SLC35A3: variants seen among roughly 807,000 people sequenced by gnomAD.
SLC35A3 encodes UDP-N-acetylglucosamine transporter.
A neutral mutation model predicts 39.0 loss-of-function variants in SLC35A3; 26 were observed. The ratio of observed to expected loss-of-function variants is 0.67; its 90% CI spans 0.49 to 0.92. SLC35A3 has a LOEUF of 0.92. SLC35A3 is among the 40% of genes least tolerant of loss of function. The probability of loss-of-function intolerance (pLI) is 0.00; values close to 1 mark genes in which losing one functional copy is unlikely to be tolerated. For synonymous variants in SLC35A3, 135 were observed against 133.1 expected (o/e 1.01, Z -0.10); for missense variants, 299 against 371.6 (o/e 0.80, Z 1.61).
chr1:100,014,039 A>G (rs1659877592), intron 5 of SLC35A3, among the ~76,000 whole-genome samples: 1 of 152,144 alleles, frequency 6.6e-6, no homozygotes, highest in East Asian at 1.9e-4. Context: ...TAGTCATGTG[A>G]TAGAATATGT....
chr1:100,015,291 C>CT lies in SLC35A3; in HGVS notation c.635-3dup, dbSNP rs766308423. The CT allele has an allele frequency of 1.5e-5, 24 of 1,584,454 alleles. No individual in the cohort carries two copies. The highest frequency in any genetic ancestry group is 3.6e-5 in the Admixed American group (2 of 55,960). On this transcript the variant is annotated splice_polypyrimidine_tract_variant and intron_variant, in intron 5 of 7. Transcript: ENST00000533028. ...TAAACGATATATCATGTAGACTTTA[C>CT]TTTTTTTTAGGTTTCTTTGGAAGTA...
At chr1:99,970,423 A>G in intron 1 of SLC35A3, 1 of 679,394 alleles carries the variant, frequency 1.5e-6, no homozygotes, top group Non-Finnish European at 2.5e-6. Flanking sequence ...AGGCCCGAGG[A>G]GAGGGGTGTG....
At chr1:99,999,590 G>A (rs925593842) in intron 3 of SLC35A3, among the ~76,000 whole-genome samples, 175 bp downstream of exon 3, 2 of 152,014 alleles carry the variant, frequency 1.3e-5, no homozygotes, top group Non-Finnish European at 2.9e-5. Flanking sequence ...TTGTGTTGGG[G>A]ACATTTCAGA....
intron 4 of SLC35A3, chr1:100,008,747 C>A (rs563679798): frequency 6.6e-6 from 1 of 152,316 alleles, no homozygotes; most frequent in East Asian, 1.9e-4. Flanking sequence ...ACATCACAGG[C>A]ATAACATTTA....
At chr1:99,973,972 T>G (rs1656959138) in intron 1 of SLC35A3, among the ~76,000 whole-genome samples, 1 of 139,306 alleles carries the variant, frequency 7.2e-6, no homozygotes, top group South Asian at 2.2e-4. Context: ...CCAAAATCGC[T>G]CCATTGCACT....
At chr1:99,999,959 ATTTC>A (rs1210860540) in intron 3 of SLC35A3, among the ~76,000 whole-genome samples, 1 of 151,900 alleles carries the variant, frequency 6.6e-6, no homozygotes, top group African/African-American at 2.4e-5. Context: ...TCTGAATAGT[ATTTC>A]TTTATGCATT....
intron 3 of SLC35A3, among the ~76,000 whole-genome samples, chr1:100,005,157 G>A (rs564998236): frequency 7.2e-5 from 11 of 152,024 alleles, no homozygotes; most frequent in African/African-American, 2.4e-4. Flanking sequence ...TTCTCTCCTG[G>A]CCTATAATGT....
At chr1:100,008,985 C>T (rs2101336841) in intron 4 of SLC35A3, 1 of 152,268 alleles carries the variant, frequency 6.6e-6, no homozygotes, top group East Asian at 1.9e-4. Context: ...ATTTTATATC[C>T]TGTAAGTACA....
chr1:100,016,566 G>A (rs1660141774), intron 6 of SLC35A3, among the ~76,000 whole-genome samples: 1 of 150,220 alleles, frequency 6.7e-6, no homozygotes, highest in Admixed American at 6.7e-5. Flanking sequence ...GTAGAGACGG[G>A]GTTTCACTGT....
intron 3 of SLC35A3, among the ~76,000 whole-genome samples, chr1:100,006,045 G>T (rs899747109): frequency 6.6e-6 from 1 of 152,200 alleles, no homozygotes; most frequent in African/African-American, 2.4e-5. Flanking sequence ...TGGGTAGGGT[G>T]CTTTGGCTTT....
intron 1 of SLC35A3, among the ~76,000 whole-genome samples, chr1:99,973,106 A>C (rs1656915289): frequency 6.6e-6 from 1 of 152,264 alleles, no homozygotes; most frequent in South Asian, 2.1e-4. Context: ...AAACTTGTTC[A>C]GTAGCCATGA....
At chr1:99,987,562 G>A (rs1657822523) in intron 1 of SLC35A3, among the ~76,000 whole-genome samples, 1 of 152,140 alleles carries the variant, frequency 6.6e-6, no homozygotes, top group Non-Finnish European at 1.5e-5. Flanking sequence ...GCTGAATTTA[G>A]TAAGCTAGAC....
intron 5 of SLC35A3, among the ~76,000 whole-genome samples, chr1:100,013,950 A>T (rs1360490204): frequency 6.6e-6 from 1 of 152,196 alleles, no homozygotes; most frequent in African/African-American, 2.4e-5. Flanking sequence ...TTCAAAGGTG[A>T]CCCATAAGAA....
Position 100,017,865 on chromosome 1 carries a change from AT to A in SLC35A3, c.887+52del, listed in dbSNP as rs1660266368. ...TAAATCCCCAGAAGTATATAGAAAAATTAGAATTCTTTGTAAGGTGATCTGA... is the reference window on the plus strand; with the variant it reads ...TAAATCCCCAGAAGTATATAGAAAAATAGAATTCTTTGTAAGGTGATCTGA... On this transcript the variant is annotated intron_variant, in intron 7 of 7. Transcript: ENST00000533028. 6.6e-6 allele frequency: 8 copies of A among 1,210,518 alleles called. No homozygotes were observed. In the East Asian group the frequency reaches 2.2e-4, roughly 33 times the overall value. The allele number at this position is 1,210,518 out of a possible 1,614,324, so 75.0% of individuals were successfully genotyped here. A position where few individuals can be genotyped will look rare whatever the true frequency, so the allele number is the denominator to read the frequency against.
rs72728114 is a variant in SLC35A3 at position 99,993,238 on chromosome 1, G to A, written c.-18-299G>A. On this transcript the variant is annotated intron_variant, in intron 1 of 7. Coordinates refer to ENST00000533028, the MANE Select transcript of SLC35A3 (RefSeq NM_012243.3). ...TAGGGAACTCACTGCTGAGTCATCC[G>A]TCAAGATCTGATGTCTCTATCCAAT... The A allele has an allele frequency of 0.027, 5,979 of 221,402 alleles. 107 individuals are homozygous for A. The highest frequency in any genetic ancestry group is 0.04 in the Non-Finnish European group (4,429 of 112,036). The allele number at this position is 221,402 out of a possible 1,614,324, so 13.7% of individuals were successfully genotyped here.
intron 1 of SLC35A3, among the ~76,000 whole-genome samples, chr1:99,984,425 A>G (rs545028302): frequency 6.6e-6 from 1 of 152,122 alleles, no homozygotes; most frequent in Non-Finnish European, 1.5e-5. Context: ...TCATTATTTC[A>G]TTTCTTTTTA....
chr1:100,024,784 A>T lies in SLC35A3; in HGVS notation c.*2308A>T, dbSNP rs1005980358. On this transcript the variant is annotated 3_prime_UTR_variant, in exon 8 of 8. Transcript: ENST00000533028. ...AGGCGTGAGCCACTGCGCCCGGCCT[A>T]TACTGTATATATTTTTAAAGACTGT... The T allele has an allele frequency of 2.5e-6, 1 of 395,812 alleles. No homozygotes were observed. Among genetic ancestry groups the T allele is most frequent in the African/African-American group, 2.1e-5 (1 of 48,612 alleles). The allele number at this position is 395,812 out of a possible 1,614,324, so 24.5% of individuals were successfully genotyped here.
chr1:100,010,853 C>G (rs752199673), intron 4 of SLC35A3, among the ~76,000 whole-genome samples: 4 of 152,212 alleles, frequency 2.6e-5, no homozygotes, highest in Admixed American at 1.3e-4. Flanking sequence ...CCTTCCAACA[C>G]ATTTCGTTTC....
At position 100,030,641 on chromosome 1, in the gene SLC35A3, A is replaced by C. The variant is rs1360008559; in HGVS notation, c.*8165A>C. On this transcript the variant is annotated 3_prime_UTR_variant, in exon 8 of 8. Transcript: ENST00000533028. ...GAGGTTCAGTTAAATGTACTAAATC[A>C]GACTTGTGTGATTTAGACACAAAAT... 2 of 152,236 alleles carry C rather than the reference A, an allele frequency of 1.3e-5. No homozygotes were observed. Among genetic ancestry groups the C allele is most frequent in the African/African-American group, 4.8e-5 (2 of 41,460 alleles). 9.4% of individuals were successfully genotyped at this position (152,236 alleles called of 1,614,324 possible).
Sources: gnomAD v4.1 joint callset for allele counts (sites outside exome capture counted in the v4.1 genomes callset) on GRCh38, gnomAD v4.1.1 for gene constraint, MANE v1.5 for transcripts, NCBI Gene and HGNC (gene_info 2026-07-23, HGNC 2026-07-21) for gene names.